PTPRG: variants seen among roughly 807,000 people sequenced by gnomAD.
The protein encoded by PTPRG is receptor-type tyrosine-protein phosphatase gamma.
PTPRG carries 102 observed loss-of-function variants against 165.3 expected under a neutral mutation model. The ratio of observed to expected loss-of-function variants is 0.62; its 90% CI spans 0.53 to 0.73. PTPRG has a LOEUF of 0.73. Among genes scored for constraint, PTPRG ranks in the 30% least tolerant of loss-of-function variants. The pLI is 0.00. For synonymous variants in PTPRG, 675 were observed against 669.5 expected, an observed-to-expected ratio of 1.01 and a Z score of -0.13; for missense variants, 1,866 against 1,861.4, an observed-to-expected ratio of 1.00 and a Z score of -0.05.
intron 5 of PTPRG, among the ~76,000 whole-genome samples, chr3:62,100,716 T>C (rs538494730): frequency 2.0e-5 from 3 of 152,374 alleles, no homozygotes; most frequent in East Asian, 3.9e-4. Context: ...ATTTTAGCCA[T>C]GGAATAAATA....
chr3:62,192,599 G>A (rs1336532913), intron 9 of PTPRG, among the ~76,000 whole-genome samples: 1 of 151,672 alleles, frequency 6.6e-6, no homozygotes, highest in Non-Finnish European at 1.5e-5. Flanking sequence ...TTTTAGTAGA[G>A]ACAGGGTTTC....
At chr3:61,936,769 A>G (rs1469913592) in intron 2 of PTPRG, among the ~76,000 whole-genome samples, 1 of 152,192 alleles carries the variant, frequency 6.6e-6, no homozygotes, top group Non-Finnish European at 1.5e-5. Context: ...ATTGTGTGTT[A>G]TTTATAGCTG....
At chr3:61,573,840 C>T (rs916724565) in intron 1 of PTPRG, among the ~76,000 whole-genome samples, 3 of 152,070 alleles carry the variant, frequency 2.0e-5, no homozygotes, top group Non-Finnish European at 2.9e-5. Flanking sequence ...TTAATATCTT[C>T]CTTAAGAGAA....
intron 4 of PTPRG, among the ~76,000 whole-genome samples, chr3:62,038,510 A>G (rs1468179918): frequency 1.3e-5 from 2 of 151,940 alleles, no homozygotes; most frequent in Non-Finnish European, 2.9e-5. Flanking sequence ...CTATCCTCCC[A>G]CCTCAGACTC....
intron 1 of PTPRG, among the ~76,000 whole-genome samples, chr3:61,571,276 C>T (rs908007835): frequency 1.1e-4 from 16 of 152,030 alleles, no homozygotes; most frequent in African/African-American, 3.6e-4. Flanking sequence ...CGGTGGGGGG[C>T]GGTGACTGTA....
chr3:61,609,767 G>C (rs1173026589), intron 1 of PTPRG, among the ~76,000 whole-genome samples: 1 of 152,082 alleles, frequency 6.6e-6, no homozygotes, highest in Non-Finnish European at 1.5e-5. Flanking sequence ...GCCAAGGTGG[G>C]AGGATCACTT....
chr3:62,030,880 C>A (rs1261578663), intron 4 of PTPRG, among the ~76,000 whole-genome samples: 3 of 152,104 alleles, frequency 2.0e-5, no homozygotes, highest in Admixed American at 6.5e-5. Context: ...CCCCCCACTG[C>A]CTGGGTAAAT....
chr3:62,083,803 C>T (rs576370169), intron 5 of PTPRG, among the ~76,000 whole-genome samples: 2 of 152,180 alleles, frequency 1.3e-5, no homozygotes, highest in African/African-American at 2.4e-5. Context: ...TCTACTTTCT[C>T]ACTAGGACCA....
intron 2 of PTPRG, among the ~76,000 whole-genome samples, chr3:61,853,723 C>T (rs571658120): frequency 3.3e-5 from 5 of 152,278 alleles, no homozygotes; most frequent in African/African-American, 1.2e-4. Context: ...CAGCATATGA[C>T]AACTAAGATG....
chr3:62,044,436 G>A (rs566479404), intron 4 of PTPRG, among the ~76,000 whole-genome samples: 27 of 152,260 alleles, frequency 1.8e-4, no homozygotes, highest in South Asian at 4.2e-4. Flanking sequence ...CTACTCAGGA[G>A]GCTGAGGCAG....
intron 12 of PTPRG, among the ~76,000 whole-genome samples, chr3:62,216,111 G>GGAGGGC (rs1321773433): frequency 2.0e-5 from 3 of 152,028 alleles, no homozygotes; most frequent in Admixed American, 2.0e-4. Flanking sequence ...CCAGGTACTT[G>GGAGGGC]GAGGGCTAAG....
intron 5 of PTPRG, among the ~76,000 whole-genome samples, chr3:62,097,170 T>C (rs527365749): frequency 2.0e-5 from 3 of 152,330 alleles, no homozygotes; most frequent in Admixed American, 6.5e-5. Context: ...CTTAGTATCA[T>C]AAAGGAGATA....
intron 8 of PTPRG, among the ~76,000 whole-genome samples, chr3:62,185,994 T>C (rs1705866884): frequency 6.6e-6 from 1 of 152,206 alleles, no homozygotes; most frequent in Non-Finnish European, 1.5e-5. Context: ...TTTTGGACTT[T>C]TGAGGGAGGT....
chr3:61,699,191 T>A (rs543464078), intron 1 of PTPRG, among the ~76,000 whole-genome samples: 37 of 152,184 alleles, frequency 2.4e-4, no homozygotes, highest in Non-Finnish European at 4.4e-4. Flanking sequence ...TTAAAAAAAA[T>A]TATTTTTCAG....
At chr3:61,706,619 G>C (rs184719876) in intron 1 of PTPRG, among the ~76,000 whole-genome samples, 21 of 151,356 alleles carry the variant, frequency 1.4e-4, no homozygotes, top group Non-Finnish European at 2.8e-4. Context: ...TCAGCCTCCC[G>C]AGTAGCTGGA....
Position 62,295,032 on chromosome 3 carries a change from A to ATAAAC in PTPRG, c.*1728_*1732dup, listed in dbSNP as rs1214987466. ...CAAAGGCCAGGTCAATGGAGTTTTC[A>ATAAAC]TAAACTACATAATTTACCAGGGTTT... On this transcript the variant is annotated 3_prime_UTR_variant, in exon 30 of 30. Coordinates refer to ENST00000474889, the MANE Select transcript of PTPRG (RefSeq NM_002841.4). 4.6e-5 allele frequency: 7 copies of ATAAAC among 152,148 alleles called. No homozygotes were observed. Among genetic ancestry groups the ATAAAC allele is most frequent in the African/African-American group, 1.7e-4 (7 of 41,444 alleles). The allele number at this position is 152,148 out of a possible 1,614,324, so 9.4% of individuals were successfully genotyped here.
intron 1 of PTPRG, among the ~76,000 whole-genome samples, chr3:61,667,640 T>G (rs1419297562): frequency 6.6e-6 from 1 of 152,114 alleles, no homozygotes; most frequent in East Asian, 1.9e-4. Context: ...TGCCCAGAAT[T>G]ACCGGCTAAT....
chr3:61,820,475 G>A (rs745443688), intron 2 of PTPRG, among the ~76,000 whole-genome samples: 8 of 151,966 alleles, frequency 5.3e-5, no homozygotes, highest in African/African-American at 9.7e-5. Flanking sequence ...AAACACCCTC[G>A]CAGACCCACT....
rs371190140 is a variant in PTPRG at position 62,205,527 on chromosome 3, G to A, written c.2155+1577G>A. ...GCCTTAATTGCTACAGTTGGGGAGCGGAGGGACAGTGTAGCTCTGAGTGGT... is the reference window on the plus strand; with the variant it reads ...GCCTTAATTGCTACAGTTGGGGAGCAGAGGGACAGTGTAGCTCTGAGTGGT... On this transcript the variant is annotated intron_variant, in intron 12 of 29. Coordinates refer to ENST00000474889, the MANE Select transcript of PTPRG (RefSeq NM_002841.4). Among the ~76,000 whole-genome samples the A allele has an allele frequency of 6.6e-5, 10 of 152,272 alleles. No individual in the cohort carries two copies. The East Asian group carries it at 7.7e-4, about 12-fold the overall frequency.
Sources: gnomAD v4.1 joint callset for allele counts (sites outside exome capture counted in the v4.1 genomes callset) on GRCh38, gnomAD v4.1.1 for gene constraint, MANE v1.5 for transcripts, NCBI Gene and HGNC (gene_info 2026-07-23, HGNC 2026-07-21) for gene names.